GATAD1: variants seen among roughly 807,000 people sequenced by gnomAD.
The protein encoded by GATAD1 is GATA zinc finger domain-containing protein 1.
Under a neutral mutation model 26.5 loss-of-function variants are expected in GATAD1, and 12 were observed. The observed-to-expected ratio is 0.45, with a 90% CI of 0.29 to 0.73. The LOEUF (loss-of-function observed/expected upper bound fraction) is 0.73, where lower values mean the gene tolerates loss of function less well. Ranked by LOEUF, GATAD1 falls within the 30% of genes least tolerant of loss-of-function variation. The probability of loss-of-function intolerance (pLI) is 0.10; values close to 1 mark genes in which losing one functional copy is unlikely to be tolerated. For synonymous variants in GATAD1, 129 were observed against 133.1 expected (o/e 0.97, Z 0.21); for missense variants, 266 against 342.1 (o/e 0.78, Z 1.75).
the GATAD1 span, among the ~76,000 whole-genome samples, chr7:92,474,086 T>C: frequency 6.6e-6 from 1 of 152,058 alleles, no homozygotes; most frequent in African/African-American, 2.4e-5. Flanking sequence ...TTGCCCAGCT[T>C]TTCCCTTTTC....
intron 1 of GATAD1, 34 bp downstream of exon 1, chr7:92,448,012 C>T: frequency 8.3e-7 from 1 of 1,205,140 alleles, no homozygotes; most frequent in Non-Finnish European, 1.0e-6. Context: ...CCGGCGGAGG[C>T]CGACCAGGTG....
intron 2 of GATAD1, 38 bp from the exon 3 acceptor site, chr7:92,450,663 A>G (rs372313754): frequency 5.9e-5 from 85 of 1,439,964 alleles, no homozygotes; most frequent in Non-Finnish European, 7.6e-5. Context: ...AGACACATAC[A>G]TACTATGAAT....
At chr7:92,450,862 A>G (rs545723774) in intron 3 of GATAD1, 102 bp downstream of exon 3, 106 of 707,664 alleles carry the variant, frequency 1.5e-4, no homozygotes, top group Non-Finnish European at 2.4e-4. Context: ...CTTTATTTGT[A>G]TAAGGTGTGA....
chr7:92,493,942 G>A, the GATAD1 span: 7 of 276,446 alleles, frequency 2.5e-5, no homozygotes, highest in South Asian at 2.0e-4. Context: ...ACATGCTTAC[G>A]ATTCACATGC....
intron 1 of GATAD1, among the ~76,000 whole-genome samples, 153 bp downstream of exon 1, chr7:92,448,131 G>C (rs1162404159): frequency 1.3e-5 from 2 of 152,208 alleles, no homozygotes; most frequent in Admixed American, 6.5e-5. Flanking sequence ...GAGATCTTTC[G>C]TTTGGCCCAT....
At chr7:92,453,449 G>A (rs1469338849) in intron 3 of GATAD1, among the ~76,000 whole-genome samples, 3 of 152,168 alleles carry the variant, frequency 2.0e-5, no homozygotes, top group Non-Finnish European at 2.9e-5. Context: ...CACAGGACAT[G>A]TACACATTAG....
the GATAD1 span, among the ~76,000 whole-genome samples, chr7:92,483,767 G>A: frequency 2.0e-5 from 3 of 152,212 alleles, no homozygotes; most frequent in Admixed American, 6.5e-5. Context: ...GTCACAGAAC[G>A]AAACTGTAAG....
rs1789229273 is a variant in GATAD1, at chr7:92,447,946, C to T, written c.217C>T (p.Pro73Ser). Residue 73 changes from proline to serine, a missense_variant, in exon 1 of 5, where the codon CCG (proline) becomes TCG (serine). Physicochemically the swap from Pro to Ser is moderately conservative, Grantham distance 74 (BLOSUM62 -1). Transcript: ENST00000287957. ...CTTCGCCAGCACCTCCGCCACCCCTCCGCAGAGCAACGGGGGCGGGGGCGG... is the reference window on the plus strand; with the variant it reads ...CTTCGCCAGCACCTCCGCCACCCCTTCGCAGAGCAACGGGGGCGGGGGCGG... Reference protein sequence around the residue: ...ATFASTSATPPQSNGGGGGKQ... With the variant: ...ATFASTSATPSQSNGGGGGKQ... 1 of 1,233,394 alleles carries T rather than the reference C, an allele frequency of 8.1e-7. No homozygotes were observed. The highest frequency in any genetic ancestry group is 3.9e-5 in the South Asian group (1 of 25,652). 76.4% of individuals were successfully genotyped at this position (1,233,394 alleles called of 1,614,324 possible).
chr7:92,462,380 A>C (rs180841139), downstream of GATAD1, among the ~76,000 whole-genome samples: 589 of 151,900 alleles, frequency 3.9e-3, 2 homozygotes, highest in African/African-American at 0.014. Context: ...AAAAAAAAAA[A>C]CAAAAACACA....
At chr7:92,489,466 G>T in the GATAD1 span, 2 of 1,569,926 alleles carry the variant, frequency 1.3e-6, no homozygotes, top group Non-Finnish European at 1.7e-6. Context: ...AATTAAGGAT[G>T]TAAAAAAAAA....
At chr7:92,470,064 C>A in the GATAD1 span, 1 of 778,708 alleles carries the variant, frequency 1.3e-6, no homozygotes, top group South Asian at 1.3e-5. Flanking sequence ...TGAAGTAAGT[C>A]CAACAGACAG....
At chr7:92,478,824 G>A in the GATAD1 span, among the ~76,000 whole-genome samples, 5 of 152,166 alleles carry the variant, frequency 3.3e-5, no homozygotes, top group Non-Finnish European at 7.4e-5. Context: ...TGGCCACCAT[G>A]GCGATTCCCA....
the GATAD1 span, among the ~76,000 whole-genome samples, chr7:92,483,724 A>T: frequency 6.6e-6 from 1 of 152,214 alleles, no homozygotes; most frequent in Non-Finnish European, 1.5e-5. Flanking sequence ...CACCTCTTTA[A>T]GAGGAAATTG....
rs773559851 is a variant in GATAD1 at position 92,460,033 on chromosome 7, CTT to C, written c.*3472_*3473del. 1.3e-5 allele frequency among the ~76,000 whole-genome samples: 2 copies of C among 152,094 alleles called. No homozygotes were observed. The highest frequency in any genetic ancestry group is 2.9e-5 in the Non-Finnish European group (2 of 68,020). On this transcript the variant is annotated 3_prime_UTR_variant, in exon 5 of 5. Transcript: ENST00000287957. ...TTTAAGATGAGTTTTAAATAGTTCT[CTT>C]AACACAAATAAAGCTTAATATGAGT...
chr7:92,491,423 G>C, the GATAD1 span: 2 of 1,613,586 alleles, frequency 1.2e-6, no homozygotes, highest in African/African-American at 2.7e-5. Flanking sequence ...ATCTCCAGCT[G>C]AATCGTCAGA....
the GATAD1 span, chr7:92,468,874 T>A: frequency 2.6e-6 from 2 of 764,348 alleles, no homozygotes; most frequent in Non-Finnish European, 4.8e-6. Context: ...AGCAGGCCGG[T>A]CCAGGGGTCT....
At chr7:92,476,887 GGA>G in the GATAD1 span, among the ~76,000 whole-genome samples, 7 of 152,288 alleles carry the variant, frequency 4.6e-5, no homozygotes, top group East Asian at 9.7e-4. Flanking sequence ...AGATCCCTTT[GGA>G]GATACAACTT....
the GATAD1 span, among the ~76,000 whole-genome samples, chr7:92,476,616 GTC>G: frequency 3.6e-4 from 55 of 151,072 alleles, no homozygotes; most frequent in African/African-American, 1.3e-3. Context: ...TCTCCTCTTT[GTC>G]TCTCTCTCTC....
chr7:92,493,313 A>G, the GATAD1 span: 1 of 425,202 alleles, frequency 2.4e-6, no homozygotes, highest in African/African-American at 2.1e-5. Flanking sequence ...CAACAGAAAT[A>G]ATATATATAG....
Sources: allele counts gnomAD v4.1 joint callset (sites outside exome capture counted in the v4.1 genomes callset), GRCh38; gene constraint gnomAD v4.1.1; transcripts MANE v1.5; gene names NCBI Gene and HGNC (gene_info 2026-07-23, HGNC 2026-07-21).